The following TBC1D9B variants were observed in gnomAD, a reference collection of about 807,000 sequenced individuals.
TBC1D9B encodes the protein TBC1 domain family member 9B, also known as TBC1 domain family, member 9B (with GRAM domain).
TBC1D9B carries 87 observed loss-of-function variants against 121.1 expected under a neutral mutation model. That is an observed-to-expected ratio of 0.72 (90% CI 0.60 to 0.86). The LOEUF is 0.86. TBC1D9B is among the 40% of genes least tolerant of loss of function. The probability of loss-of-function intolerance (pLI) is 0.00; values close to 1 mark genes in which losing one functional copy is unlikely to be tolerated. For synonymous variants in TBC1D9B, 668 were observed against 670.1 expected, an observed-to-expected ratio of 1.00 and a Z score of 0.05; for missense variants, 1,540 against 1,628.6, an observed-to-expected ratio of 0.95 and a Z score of 0.94.
chr5:179,888,401 G>A lies in TBC1D9B; in HGVS notation c.1045-89C>T. 2.3e-6 allele frequency: 3 copies of A among 1,301,248 alleles called. No individual in the cohort carries two copies. The South Asian group carries it at 3.7e-5, about 16-fold the overall frequency. The allele number at this position is 1,301,248 out of a possible 1,614,324, so 80.6% of individuals were successfully genotyped here. A position where few individuals can be genotyped will look rare whatever the true frequency, so the allele number is the denominator to read the frequency against. ...GTGAATGGCAGACTGTCATGCAGCT[G>A]TCCTCTCCTGGGCACAATGCAGTGA... On this transcript the variant is annotated intron_variant, in intron 6 of 20. Transcript: ENST00000355235.
At position 179,865,256 on chromosome 5, in the gene TBC1D9B, G is replaced by A; in HGVS notation, c.3019C>T (p.Gln1007Ter). The A allele has an allele frequency of 6.2e-7, 1 of 1,614,040 alleles. No homozygotes were observed. The highest frequency in any genetic ancestry group is 8.5e-7 in the Non-Finnish European group (1 of 1,179,932). The change falls in exon 20 of 21, where the codon CAG becomes TAG. Residue 1007 changes from glutamine (Q) to a stop codon, truncating the protein, a stop_gained and splice_region_variant. Transcript: ENST00000355235. LOFTEE classifies it low-confidence loss of function (END_TRUNC). This position sits in a 1 kb window ranked among gnomAD's most constrained non-coding sequence, Gnocchi z 5.1. ...CTGTGGGCTCCAGTGGAGCCTACCT[G>A]GTTCATCTTGGGAAGATCCTTAATC... is the stretch of plus-strand genomic sequence containing the variant. Reference protein sequence around the residue: ...ETIKDLPKMNQEQFIELCKTL... With the variant: ...ETIKDLPKMN
At chr5:179,866,007 G>T in intron 18 of TBC1D9B, 119 bp from the exon 19 acceptor site, 1 of 1,272,318 alleles carries the variant, frequency 7.9e-7, no homozygotes, top group South Asian at 1.2e-5. Context: ...GCCAGGCCCT[G>T]GGGAGCAGGT....
Position 179,862,823 on chromosome 5 carries a change from G to C in TBC1D9B, c.*625C>G. On this transcript the variant is annotated 3_prime_UTR_variant, in exon 21 of 21. Transcript: ENST00000355235. ...AAATGAATCCAAGGAAATATATCAG[G>C]ACCTGAGGGATGTTTTTTTAAAGTT... The C allele has an allele frequency of 3.0e-6, 1 of 334,736 alleles. No homozygotes were observed. Among genetic ancestry groups the C allele is most frequent in the South Asian group, 2.3e-5 (1 of 44,396 alleles). The allele number at this position is 334,736 out of a possible 1,614,324, so 20.7% of individuals were successfully genotyped here. A position where few individuals can be genotyped will look rare whatever the true frequency, so the allele number is the denominator to read the frequency against.
At position 179,891,456 on chromosome 5, in the gene TBC1D9B, T is replaced by G. The variant is rs1760859698; in HGVS notation, c.967A>C (p.Met323Leu). The change falls in exon 6 of 21, where the codon ATG becomes CTG. Residue 323 changes from methionine (M) to leucine (L), a missense_variant. Physicochemically the swap from Met to Leu is conservative, Grantham distance 15 (BLOSUM62 2). Transcript: ENST00000355235. This position sits in a 1 kb window ranked among gnomAD's most constrained non-coding sequence, Gnocchi z 4.3. ...CAGATGTAGTTGTTGGAGATGAACATCTGGCCAGGGATGTGCAGCTTGTTG... is the reference window on the plus strand; with the variant it reads ...CAGATGTAGTTGTTGGAGATGAACAGCTGGCCAGGGATGTGCAGCTTGTTG... ...PFNKLHIPGQ[M>L]FISNNYICFA... 1 of 1,614,118 alleles carries G rather than the reference T, an allele frequency of 6.2e-7. No homozygotes were observed. Among genetic ancestry groups the G allele is most frequent in the African/African-American group, 1.3e-5 (1 of 74,944 alleles).
chr5:179,870,584 T>C, intron 15 of TBC1D9B, 89 bp from the exon 16 acceptor site: 4 of 1,484,658 alleles, frequency 2.7e-6, no homozygotes, highest in Non-Finnish European at 2.7e-6. Flanking sequence ...ACCCTCCCCC[T>C]CTGTCCAAGC....
At chr5:179,906,229 G>A (rs188704997) in intron 1 of TBC1D9B, among the ~76,000 whole-genome samples, 4 of 152,308 alleles carry the variant, frequency 2.6e-5, no homozygotes, top group Non-Finnish European at 1.5e-5. Flanking sequence ...ATGGCACAGG[G>A]AAGGCCCTGT....
chr5:179,876,919 A>G (rs1760374753), intron 10 of TBC1D9B, among the ~76,000 whole-genome samples: 1 of 151,244 alleles, frequency 6.6e-6, no homozygotes, highest in Non-Finnish European at 1.5e-5. Context: ...AAAAATACAA[A>G]AAGTAACTGG....
chr5:179,904,357 TG>T lies in TBC1D9B; in HGVS notation c.229+344del, dbSNP rs1166646469. On this transcript the variant is annotated intron_variant, in intron 2 of 20. Coordinates refer to ENST00000355235, the MANE Select transcript of TBC1D9B (RefSeq NM_015043.4). The surrounding 1 kb of genome is among the most constrained non-coding windows in gnomAD (Gnocchi z 4.2). The stretch of plus-strand genomic sequence containing the variant: ...CTCCTGCCTCAGCCTCCCGAGTAGC[TG>T]GGACTACAGGCCTCCGCCACCACCC... Among the ~76,000 whole-genome samples, 6 of 151,820 alleles carry T rather than the reference TG, an allele frequency of 4.0e-5. No individual in the cohort carries two copies. Among genetic ancestry groups the T allele is most frequent in the Non-Finnish European group, 5.9e-5 (4 of 67,984 alleles).
At chr5:179,870,612 G>A (rs922314071) in intron 15 of TBC1D9B, 117 bp from the exon 16 acceptor site, 21 of 1,419,374 alleles carry the variant, frequency 1.5e-5, no homozygotes, top group East Asian at 1.0e-4. Context: ...GCCCTGGGGC[G>A]GTAAGCACGG....
rs749492883 is a variant in TBC1D9B, at chr5:179,875,972, C to G, written c.1848G>C (p.Leu616=). Reference sequence around the variant, plus strand: ...GCAGCATGCGCTCGCACAGGGCCACCAGGAGCCAGAAGGCCTCCTCCTCAC... The same window carrying G: ...GCAGCATGCGCTCGCACAGGGCCACGAGGAGCCAGAAGGCCTCCTCCTCAC... ...YGSEEEAFWL[L]VALCERMLPD... Residue 616 remains leucine (L), a synonymous_variant, in exon 11 of 21, where the codon CTG becomes CTC. Coordinates refer to ENST00000355235, the MANE Select transcript of TBC1D9B (RefSeq NM_015043.4). The surrounding 1 kb of genome is among the most constrained non-coding windows in gnomAD (Gnocchi z 4.5). The G allele has an allele frequency of 2.5e-6, 4 of 1,612,088 alleles. No individual in the cohort carries two copies. Among genetic ancestry groups the G allele is most frequent in the Non-Finnish European group, 3.4e-6 (4 of 1,179,374 alleles).
At chr5:179,867,603 GC>G in intron 18 of TBC1D9B, 174 bp downstream of exon 18, 1 of 1,492,602 alleles carries the variant, frequency 6.7e-7, no homozygotes, top group Non-Finnish European at 9.1e-7. Context: ...ACAGGGGGCG[GC>G]CCCAGCCCCC....
chr5:179,898,493 G>C (rs937348705), intron 3 of TBC1D9B, among the ~76,000 whole-genome samples: 1 of 151,544 alleles, frequency 6.6e-6, no homozygotes, highest in Non-Finnish European at 1.5e-5. Flanking sequence ...CTGTCACCTA[G>C]GCTGGTGTGC....
At chr5:179,893,761 C>A (rs377436453) in intron 4 of TBC1D9B, among the ~76,000 whole-genome samples, 6 of 152,234 alleles carry the variant, frequency 3.9e-5, no homozygotes, top group African/African-American at 1.4e-4. Flanking sequence ...GCAGCTCCCC[C>A]AAGTGGGAGC....
chr5:179,870,316 G>A lies in TBC1D9B; in HGVS notation c.2664C>T (p.Phe888=), dbSNP rs960973922. Reference sequence around the variant, plus strand: ...AGTCCTTGTTTTCGTCCAGGAGCCTGAACATGCGCCCTGCCAGCAGAGGTG... The same window carrying A: ...AGTCCTTGTTTTCGTCCAGGAGCCTAAACATGCGCCCTGCCAGCAGAGGTG... The part of the protein sequence containing the change: ...SHTPLLAGRM[F]RLLDENKDSL... Residue 888 remains phenylalanine, a synonymous_variant, in exon 16 of 21, where the codon TTC becomes TTT. Coordinates refer to ENST00000355235, the MANE Select transcript of TBC1D9B (RefSeq NM_015043.4). 3.1e-6 allele frequency: 5 copies of A among 1,613,770 alleles called. No homozygotes were observed. The highest frequency in any genetic ancestry group is 2.7e-5 in the African/African-American group (2 of 74,928).
chr5:179,867,854 G>C lies in TBC1D9B; in HGVS notation c.2792-5C>G, dbSNP rs769082248. Reference sequence around the variant, plus strand: ...CGGCTTCCTCTGGGCTCAGAGCTGTGCTTGGAGAGAAGGCAGAGTGAGGGC... The same window carrying C: ...CGGCTTCCTCTGGGCTCAGAGCTGTCCTTGGAGAGAAGGCAGAGTGAGGGC... On this transcript the variant is annotated splice_region_variant and splice_polypyrimidine_tract_variant and intron_variant, in intron 17 of 20. Coordinates refer to ENST00000355235, the MANE Select transcript of TBC1D9B (RefSeq NM_015043.4). The C allele has an allele frequency of 6.6e-7, 1 of 1,512,496 alleles. No individual in the cohort carries two copies. The highest frequency in any genetic ancestry group is 1.3e-5 in the South Asian group (1 of 75,074). 93.7% of individuals were successfully genotyped at this position (1,512,496 alleles called of 1,614,324 possible). A position where few individuals can be genotyped will look rare whatever the true frequency, so the allele number is the denominator to read the frequency against.
At position 179,863,812 on chromosome 5, in the gene TBC1D9B, C is replaced by G. The variant is rs142401945; in HGVS notation, c.3338G>C (p.Gly1113Ala). 1.4e-3 allele frequency: 2,300 copies of G among 1,613,662 alleles called. 3 individuals are homozygous for G. Among genetic ancestry groups the G allele is most frequent in the Non-Finnish European group, 1.7e-3 (1,989 of 1,179,972 alleles). ...TGAGCCCTGTCCCTCGCCGCTGCCC[C>G]CCTCCACCACCACCTGGCTCTCCTG... ...APQESQVVVE[G>A]GSGEGQGSPS... Residue 1113 changes from glycine (G) to alanine (A), a missense_variant, in exon 21 of 21, where the codon GGG (glycine) becomes GCG (alanine). Transcript: ENST00000355235. The surrounding 1 kb of genome is among the most constrained non-coding windows in gnomAD (Gnocchi z 4.5).
Position 179,865,785 on chromosome 5 carries a change from A to C in TBC1D9B, c.2914+53T>G. On this transcript the variant is annotated intron_variant, in intron 19 of 20. Coordinates refer to ENST00000355235, the MANE Select transcript of TBC1D9B (RefSeq NM_015043.4). This position sits in a 1 kb window ranked among gnomAD's most constrained non-coding sequence, Gnocchi z 5.1. ...TGACTGGGGAAAAGACCAGCAAGCA[A>C]GGGTGCCTCAACGCTGGGGTCTCTA... 6.5e-7 allele frequency: 1 copy of C among 1,535,344 alleles called. No individual in the cohort carries two copies. Among genetic ancestry groups the C allele is most frequent in the Non-Finnish European group, 8.8e-7 (1 of 1,138,440 alleles).
In TBC1D9B at chr5:179,863,896, G is replaced by C; in HGVS notation, c.3254C>G (p.Pro1085Arg). The stretch of plus-strand genomic sequence containing the variant: ...TTTGGCTTGGGGGTCTCCTGCAGCT[G>C]GGGGCTGAAGCTCCCTGGCTGCGTC... ...HQDAARELQP[P>R]AAGDPQAKAG... The change falls in exon 21 of 21, where the codon CCA (proline) becomes CGA (arginine). Residue 1085 changes from proline (P) to arginine (R), a missense_variant. Transcript: ENST00000355235. This position sits in a 1 kb window ranked among gnomAD's most constrained non-coding sequence, Gnocchi z 4.5. The C allele has an allele frequency of 2.5e-6, 4 of 1,613,218 alleles. No individual in the cohort carries two copies. The highest frequency in any genetic ancestry group is 3.4e-6 in the Non-Finnish European group (4 of 1,179,552).
Position 179,874,831 on chromosome 5 carries a change from T to A in TBC1D9B, c.2186+71A>T. The A allele has an allele frequency of 6.4e-7, 1 of 1,562,556 alleles. No homozygotes were observed. Among genetic ancestry groups the A allele is most frequent in the Non-Finnish European group, 8.6e-7 (1 of 1,157,082 alleles). ...GTGGGCACAGTCACTTCAGGCTGAC[T>A]GGACAGTGCCCGGGGCTGGTGAGGG... On this transcript the variant is annotated intron_variant, in intron 12 of 20. Coordinates refer to ENST00000355235, the MANE Select transcript of TBC1D9B (RefSeq NM_015043.4). This position sits in a 1 kb window ranked among gnomAD's most constrained non-coding sequence, Gnocchi z 4.3.
Sources: allele counts gnomAD v4.1 joint callset (sites outside exome capture counted in the v4.1 genomes callset), GRCh38; gene constraint gnomAD v4.1.1; non-coding constraint Gnocchi (gnomAD v3.1); transcripts MANE v1.5; gene names NCBI Gene and HGNC (gene_info 2026-07-23, HGNC 2026-07-21).